The following PDE4D variants were observed in gnomAD, a reference collection of about 807,000 sequenced individuals.
PDE4D encodes 3',5'-cyclic-AMP phosphodiesterase 4D.
A neutral mutation model predicts 87.4 loss-of-function variants in PDE4D; 24 were observed. That is an observed-to-expected ratio of 0.27 (90% CI 0.20 to 0.39). The LOEUF is 0.39. Ranked by LOEUF, PDE4D falls within the 10% of genes least tolerant of loss-of-function variation. PDE4D has a pLI of 1.00. For missense variants in PDE4D, 714 were observed against 1,041.0 expected, an observed-to-expected ratio of 0.69 and a Z score of 4.32; for synonymous variants, 384 against 383.2, an observed-to-expected ratio of 1.00 and a Z score of -0.02.
chr5:59,183,456 T>G (rs922632879), intron 4 of PDE4D, among the ~76,000 whole-genome samples: 3 of 152,156 alleles, frequency 2.0e-5, no homozygotes, highest in Admixed American at 6.6e-5. Context: ...ACTGATCAAC[T>G]ATTTACCTGC....
At chr5:59,877,005 G>T (rs1748696431) in intron 1 of PDE4D, among the ~76,000 whole-genome samples, 1 of 152,084 alleles carries the variant, frequency 6.6e-6, no homozygotes, top group African/African-American at 2.4e-5. Flanking sequence ...CACAAAATAT[G>T]AAAATATATA....
intron 2 of PDE4D, among the ~76,000 whole-genome samples, chr5:60,063,732 T>C (rs1771743787): frequency 6.6e-6 from 1 of 152,094 alleles, no homozygotes; most frequent in Non-Finnish European, 1.5e-5. Context: ...TTTAATAGAT[T>C]ATTTTTGATG....
At position 59,285,579 on chromosome 5, in the gene PDE4D, G is replaced by A. The variant is rs149964688; in HGVS notation, c.456-69611C>T. On this transcript the variant is annotated intron_variant, in intron 1 of 14. Transcript: ENST00000340635. The stretch of plus-strand genomic sequence containing the variant: ...AGGGTAAAGAAATACACTGGAAGAA[G>A]TCTTATGCAGGCACTGAACCAACGC... 2.0e-3 allele frequency among the ~76,000 whole-genome samples: 306 copies of A among 152,200 alleles called. 3 individuals carry two copies. The highest frequency in any genetic ancestry group is 7.1e-3 in the African/African-American group (296 of 41,548).
chr5:59,314,587 G>A (rs774010001), intron 1 of PDE4D: 3 of 152,120 alleles, frequency 2.0e-5, no homozygotes, highest in Non-Finnish European at 4.4e-5. Flanking sequence ...GAACAGAGTC[G>A]TCTGTGCTGT....
intron 2 of PDE4D, among the ~76,000 whole-genome samples, chr5:60,149,440 TA>T (rs1321543867): frequency 6.6e-6 from 1 of 152,192 alleles, no homozygotes; most frequent in Non-Finnish European, 1.5e-5. Context: ...AATTACCTCT[TA>T]AAAGTTCCAC....
At chr5:58,992,850 C>T (rs879175300) in intron 7 of PDE4D, among the ~76,000 whole-genome samples, 2 of 152,102 alleles carry the variant, frequency 1.3e-5, no homozygotes, top group Admixed American at 1.3e-4. Context: ...TTATTTACTG[C>T]ATTTTCTTTC....
intron 3 of PDE4D, among the ~76,000 whole-genome samples, chr5:59,901,648 T>A (rs1459528652): frequency 1.3e-5 from 2 of 152,008 alleles, no homozygotes; most frequent in Non-Finnish European, 2.9e-5. Flanking sequence ...GAAAACAGAA[T>A]GGTAATTAAA....
chr5:60,115,353 G>A (rs1302388113), intron 2 of PDE4D, among the ~76,000 whole-genome samples: 2 of 152,074 alleles, frequency 1.3e-5, no homozygotes, highest in African/African-American at 4.8e-5. Flanking sequence ...AGGTCTCTGA[G>A]TGAATCTGAC....
intron 1 of PDE4D, among the ~76,000 whole-genome samples, chr5:59,371,757 C>A (rs563185559): frequency 2.0e-5 from 3 of 152,310 alleles, no homozygotes; most frequent in South Asian, 4.1e-4. Flanking sequence ...TCTGGTGAGA[C>A]ACAGTTATGA....
chr5:59,707,088 T>C (rs1753528314), intron 1 of PDE4D, among the ~76,000 whole-genome samples: 1 of 152,188 alleles, frequency 6.6e-6, no homozygotes, highest in Non-Finnish European at 1.5e-5. Context: ...TATTTCTTGA[T>C]AAAATAGTTT....
chr5:59,888,050 A>T (rs1270737688), intron 1 of PDE4D, among the ~76,000 whole-genome samples: 4 of 152,234 alleles, frequency 2.6e-5, no homozygotes, highest in Non-Finnish European at 1.5e-5. Flanking sequence ...GTTTCTTCAA[A>T]TGTAAAAGAT....
At chr5:59,695,045 C>T (rs889767440) in intron 1 of PDE4D, among the ~76,000 whole-genome samples, 1 of 152,160 alleles carries the variant, frequency 6.6e-6, no homozygotes, top group Non-Finnish European at 1.5e-5. Context: ...CTGACTTACA[C>T]TTATATCTAA....
In PDE4D at chr5:59,368,124, C is replaced by G. The variant is rs1272710141; in HGVS notation, c.456-152156G>C. ...AGGATGCATGTATGGGTATGAGTAACACACAGACTTGACATCCGAATTCTC... is the reference window on the plus strand; with the variant it reads ...AGGATGCATGTATGGGTATGAGTAAGACACAGACTTGACATCCGAATTCTC... On this transcript the variant is annotated intron_variant, in intron 1 of 14. Coordinates refer to ENST00000340635, the MANE Select transcript of PDE4D (RefSeq NM_001104631.2). Among the ~76,000 whole-genome samples, 3 of 152,334 alleles carry G rather than the reference C, an allele frequency of 2.0e-5. No homozygotes were observed. In the East Asian group the frequency reaches 5.8e-4, roughly 29 times the overall value.
chr5:59,166,797 T>C (rs1431447965), intron 5 of PDE4D, among the ~76,000 whole-genome samples: 1 of 152,252 alleles, frequency 6.6e-6, no homozygotes, highest in African/African-American at 2.4e-5. Flanking sequence ...AGTGTTACTA[T>C]AAACCAGTGA....
At chr5:59,052,023 T>C (rs1761631352) in intron 5 of PDE4D, among the ~76,000 whole-genome samples, 1 of 152,192 alleles carries the variant, frequency 6.6e-6, no homozygotes, top group African/African-American at 2.4e-5. Context: ...TCTGATGTGA[T>C]AGTTGCTGTG....
At chr5:59,865,497 C>T (rs923750441) in intron 1 of PDE4D, among the ~76,000 whole-genome samples, 4 of 152,094 alleles carry the variant, frequency 2.6e-5, no homozygotes, top group African/African-American at 9.7e-5. Context: ...TTTGTAGAGC[C>T]AAGAGAAATG....
intron 1 of PDE4D, among the ~76,000 whole-genome samples, chr5:59,875,244 G>A (rs999169149): frequency 1.3e-5 from 2 of 151,798 alleles, no homozygotes; most frequent in African/African-American, 2.4e-5. Context: ...GGCGGATCAC[G>A]AGGTCAAGAG....
chr5:59,732,394 T>TCACACACACA (rs71604799), intron 1 of PDE4D, among the ~76,000 whole-genome samples: 3,178 of 146,162 alleles, frequency 0.022, 48 homozygotes, highest in African/African-American at 0.036. Context: ...CAGGAGACAT[T>TCACACACACA]CACACACACA....
At chr5:59,052,338 G>A (rs1219759835) in intron 5 of PDE4D, among the ~76,000 whole-genome samples, 2 of 152,204 alleles carry the variant, frequency 1.3e-5, no homozygotes, top group Non-Finnish European at 2.9e-5. Context: ...AATGTCTGCA[G>A]CCTGAATAAA....
Sources: gnomAD v4.1 joint callset for allele counts (sites outside exome capture counted in the v4.1 genomes callset) on GRCh38, gnomAD v4.1.1 for gene constraint, MANE v1.5 for transcripts, NCBI Gene and HGNC (gene_info 2026-07-23, HGNC 2026-07-21) for gene names.